The following MECOM variants were observed in gnomAD, a reference collection of about 807,000 sequenced individuals.
The protein encoded by MECOM is MDS1 and EVI1 complex locus.
Under a neutral mutation model 116.3 loss-of-function variants are expected in MECOM, and 13 were observed. The observed-to-expected ratio is 0.11, with a 90% confidence interval of 0.07 to 0.18. MECOM has a LOEUF of 0.18. Ranked by LOEUF, MECOM falls within the 10% of genes least tolerant of loss-of-function variation. The pLI, the probability that MECOM is intolerant of heterozygous loss-of-function variation, is 1.00. For missense variants in MECOM, 1,299 were observed against 1,509.0 expected (o/e 0.86, Z 2.31); for synonymous variants, 528 against 535.2 (o/e 0.99, Z 0.19).
At chr3:169,234,597 T>A (rs1753808728) in intron 2 of MECOM, among the ~76,000 whole-genome samples, 1 of 152,206 alleles carries the variant, frequency 6.6e-6, no homozygotes, top group South Asian at 2.1e-4. Flanking sequence ...GAGCCTTCAA[T>A]AATTTGAGAT....
chr3:169,420,702 C>T (rs1739576120), intron 1 of MECOM, among the ~76,000 whole-genome samples: 1 of 152,076 alleles, frequency 6.6e-6, no homozygotes, highest in Non-Finnish European at 1.5e-5. Context: ...TCAATTTTTA[C>T]TTTCAATTTC....
intron 1 of MECOM, among the ~76,000 whole-genome samples, chr3:169,453,211 A>G (rs1367857987): frequency 1.3e-5 from 2 of 152,256 alleles, no homozygotes; most frequent in Non-Finnish European, 2.9e-5. Flanking sequence ...GCTGCATGAC[A>G]GAACAAAAAG....
rs148140137 is a variant in MECOM, at chr3:169,444,312, G to T, written c.38-62788C>A. Among the ~76,000 whole-genome samples the T allele has an allele frequency of 1.9e-3, 294 of 152,194 alleles. 3 individuals carry two copies. The highest frequency in any genetic ancestry group is 6.6e-3 in the African/African-American group (272 of 41,516). On this transcript the variant is annotated intron_variant, in intron 1 of 16. Coordinates refer to ENST00000651503, the MANE Select transcript of MECOM (RefSeq NM_004991.4). ...TTCATGAGCAACACTGATATGGTTT[G>T]GCTGTGTCCCCACCCAAATCTCCAC...
chr3:169,294,155 T>G (rs6795895), intron 2 of MECOM, among the ~76,000 whole-genome samples: 8,033 of 150,874 alleles, frequency 0.053, 609 homozygotes, highest in African/African-American at 0.17. Flanking sequence ...GATTAGTGAG[T>G]TTTTTTTTAA....
intron 2 of MECOM, among the ~76,000 whole-genome samples, chr3:169,182,144 A>G (rs1746050395): frequency 6.6e-6 from 1 of 152,216 alleles, no homozygotes; most frequent in South Asian, 2.1e-4. Context: ...ATTACCTCTG[A>G]AAGTAACTAG....
chr3:169,542,179 T>C (rs183982826), intron 1 of MECOM, among the ~76,000 whole-genome samples: 54 of 152,270 alleles, frequency 3.5e-4, no homozygotes. Context: ...AGTGGTAAAA[T>C]ATTAAATATA....
chr3:169,607,716 A>G (rs1768767592), intron 1 of MECOM, among the ~76,000 whole-genome samples: 1 of 152,256 alleles, frequency 6.6e-6, no homozygotes. Flanking sequence ...ATGAAATAGC[A>G]TTACTGAATC....
chr3:169,365,120 C>G (rs1240408672), intron 2 of MECOM, among the ~76,000 whole-genome samples: 2 of 151,958 alleles, frequency 1.3e-5, no homozygotes, highest in African/African-American at 4.8e-5. Flanking sequence ...AAGCTCTAGG[C>G]AAGTGTTAGA....
intron 1 of MECOM, among the ~76,000 whole-genome samples, chr3:169,518,100 A>G (rs1364278440): frequency 6.6e-6 from 1 of 152,114 alleles, no homozygotes; most frequent in East Asian, 1.9e-4. Context: ...TTTACTGAAA[A>G]TACAAAAAAT....
chr3:169,182,281 A>G lies in MECOM; in HGVS notation c.376-38449T>C, dbSNP rs114702746. Among the ~76,000 whole-genome samples, 1,002 of 152,340 alleles carry G rather than the reference A, an allele frequency of 6.6e-3. 7 individuals are homozygous for G. Among genetic ancestry groups the G allele is most frequent in the Middle Eastern group, 0.014 (4 of 294 alleles). ...TTCTCACTTTATTCAAAAGACAATC[A>G]GCATACTCTTCTTTGTGGTGTTCGT... is the stretch of plus-strand genomic sequence containing the variant. On this transcript the variant is annotated intron_variant, in intron 2 of 16. Transcript: ENST00000651503.
chr3:169,400,690 A>G (rs977754441), intron 1 of MECOM, among the ~76,000 whole-genome samples: 8 of 152,326 alleles, frequency 5.3e-5, no homozygotes, highest in Non-Finnish European at 8.8e-5. Context: ...AACACAGGGG[A>G]AAATATGGAG....
At chr3:169,166,752 A>G (rs1743657434) in intron 2 of MECOM, among the ~76,000 whole-genome samples, 1 of 152,148 alleles carries the variant, frequency 6.6e-6, no homozygotes, top group Admixed American at 6.5e-5. Flanking sequence ...ACAAAAATAA[A>G]CTGTGTTCAT....
At chr3:169,478,711 A>T (rs1750843824) in intron 1 of MECOM, among the ~76,000 whole-genome samples, 1 of 152,232 alleles carries the variant, frequency 6.6e-6, no homozygotes, top group Non-Finnish European at 1.5e-5. Context: ...GGCTTAAAAA[A>T]ACTATACAGG....
chr3:169,586,682 A>C (rs1281164531), intron 1 of MECOM, among the ~76,000 whole-genome samples: 2 of 152,224 alleles, frequency 1.3e-5, no homozygotes, highest in Admixed American at 6.5e-5. Flanking sequence ...TATAATTTCA[A>C]TTTAGATTCT....
chr3:169,087,530 G>A (rs1008621481), intron 16 of MECOM, among the ~76,000 whole-genome samples: 2 of 152,076 alleles, frequency 1.3e-5, no homozygotes, highest in Non-Finnish European at 1.5e-5. Flanking sequence ...CCAGCAAGTC[G>A]AGGCTATAGT....
chr3:169,169,424 A>G (rs1166804525), intron 2 of MECOM, among the ~76,000 whole-genome samples: 2 of 152,168 alleles, frequency 1.3e-5, no homozygotes, highest in African/African-American at 4.8e-5. Context: ...ATGAATGTAA[A>G]TGATGGTGAT....
chr3:169,212,475 C>T (rs1199389710), intron 2 of MECOM, among the ~76,000 whole-genome samples: 1 of 150,302 alleles, frequency 6.7e-6, no homozygotes, highest in Non-Finnish European at 1.5e-5. Flanking sequence ...AGCTAAACTG[C>T]TTGTAAGGGG....
intron 1 of MECOM, among the ~76,000 whole-genome samples, chr3:169,517,161 G>A (rs1478379412): frequency 2.0e-5 from 3 of 152,154 alleles, no homozygotes; most frequent in African/African-American, 7.2e-5. Flanking sequence ...CCCCGGGCAG[G>A]AAGCTCCAGG....
At chr3:169,427,491 T>G (rs1364346944) in intron 1 of MECOM, among the ~76,000 whole-genome samples, 1 of 152,206 alleles carries the variant, frequency 6.6e-6, no homozygotes, top group East Asian at 1.9e-4. Context: ...CCTTACTGAC[T>G]ATAAATAATA....
Sources: allele counts gnomAD v4.1 joint callset (sites outside exome capture counted in the v4.1 genomes callset), GRCh38; gene constraint gnomAD v4.1.1; transcripts MANE v1.5; gene names NCBI Gene and HGNC (gene_info 2026-07-23, HGNC 2026-07-21).